Variants in GBX1 observed in about 807,000 individuals in gnomAD.
The protein encoded by GBX1 is gastrulation brain homeobox 1.
GBX1 carries 9 observed loss-of-function variants against 22.9 expected under a neutral mutation model. That is an observed-to-expected ratio of 0.39 (90% confidence interval 0.24 to 0.69). GBX1 has a LOEUF of 0.69. GBX1 is among the 30% of genes least tolerant of loss of function. GBX1 has a pLI of 0.43. For synonymous variants in GBX1, 203 were observed against 227.3 expected (o/e 0.89, Z 0.96); for missense variants, 494 against 509.2 (o/e 0.97, Z 0.29).
intron 1 of GBX1, among the ~76,000 whole-genome samples, chr7:151,159,079 G>A (rs1801165523): frequency 7.1e-6 from 1 of 140,668 alleles, no homozygotes; most frequent in Non-Finnish European, 1.5e-5. Flanking sequence ...TAAAAAAAGT[G>A]TCTGAATTTT....
At chr7:151,152,367 A>T (rs1397402826) in intron 1 of GBX1, among the ~76,000 whole-genome samples, 1 of 152,172 alleles carries the variant, frequency 6.6e-6, no homozygotes, top group East Asian at 1.9e-4. Context: ...CAGATCTCAC[A>T]TTAGCTGGAG....
At chr7:151,155,700 A>G (rs760320967) in intron 1 of GBX1, among the ~76,000 whole-genome samples, 2 of 152,164 alleles carry the variant, frequency 1.3e-5, no homozygotes, top group African/African-American at 4.8e-5. Context: ...ACCTCCTTTC[A>G]GGGCATACTA....
chr7:151,158,795 G>A (rs1022318939), intron 1 of GBX1, among the ~76,000 whole-genome samples: 7 of 152,100 alleles, frequency 4.6e-5, no homozygotes, highest in Admixed American at 2.0e-4. Flanking sequence ...CCAGGAAAGC[G>A]CCTCACATAT....
chr7:151,155,472 A>G (rs1801123739), intron 1 of GBX1, among the ~76,000 whole-genome samples: 1 of 152,176 alleles, frequency 6.6e-6, no homozygotes, highest in East Asian at 1.9e-4. Flanking sequence ...ATTCTCATGA[A>G]TTTCATGCTT....
chr7:151,164,189 CTCAT>C (rs1801224558), intron 1 of GBX1, among the ~76,000 whole-genome samples: 1 of 152,210 alleles, frequency 6.6e-6, no homozygotes, highest in South Asian at 2.1e-4. Context: ...ACCCATGTCA[CTCAT>C]TCACACAAGG....
At chr7:151,150,286 T>C (rs1801062608) in intron 1 of GBX1, among the ~76,000 whole-genome samples, 1 of 152,164 alleles carries the variant, frequency 6.6e-6, no homozygotes, top group Non-Finnish European at 1.5e-5. Flanking sequence ...CGTTTTCTAC[T>C]CAAAGGACCA....
Position 151,149,131 on chromosome 7 carries a change from C to A in GBX1, c.550G>T (p.Val184Leu), listed in dbSNP as rs757031253. ...TFPSLPAEGK[V>L]YSSDEEKLEA... ...AGCTTCTCCTCATCTGAGCTGTACA[C>A]CTTCCCCTCTGCTGTGAGGAGCAAG... The change falls in exon 2 of 2, where the codon GTG (valine) becomes TTG (leucine). Residue 184 changes from valine to leucine, a missense_variant. Coordinates refer to ENST00000297537, the MANE Select transcript of GBX1 (RefSeq NM_001098834.3). 2.1e-4 allele frequency: 339 copies of A among 1,605,842 alleles called. 1 individual carries two copies. Among genetic ancestry groups the A allele is most frequent in the South Asian group, 1.8e-3 (166 of 90,988 alleles).
chr7:151,157,710 G>A (rs1194470732), intron 1 of GBX1, among the ~76,000 whole-genome samples: 2 of 152,000 alleles, frequency 1.3e-5, no homozygotes, highest in East Asian at 1.9e-4. Flanking sequence ...CTGCTTCCCC[G>A]CTACACTACC....
At chr7:151,163,338 T>C (rs1740692599) in intron 1 of GBX1, among the ~76,000 whole-genome samples, 1 of 152,082 alleles carries the variant, frequency 6.6e-6, no homozygotes, top group Non-Finnish European at 1.5e-5. Context: ...TCCTGCTCTC[T>C]TCTCTCCATT....
In GBX1 at chr7:151,148,587, A is replaced by T. The variant is rs1477603020; in HGVS notation, c.*2T>A. 43 of 1,612,056 alleles carry T rather than the reference A, an allele frequency of 2.7e-5. No homozygotes were observed. Among genetic ancestry groups the T allele is most frequent in the Non-Finnish European group, 3.6e-5 (43 of 1,178,558 alleles). ...CGCCTTCCTAAGTTCTTGGGTGCCC[A>T]TTCAGGGCCGGGCCCCCTGCTCCAT... On this transcript the variant is annotated 3_prime_UTR_variant, in exon 2 of 2. Transcript: ENST00000297537. The surrounding 1 kb of genome is among the most constrained non-coding windows in gnomAD (Gnocchi z 5.1).
chr7:151,156,385 C>CAA (rs56947735), intron 1 of GBX1, among the ~76,000 whole-genome samples: 264 of 15,900 alleles, frequency 0.017, 45 homozygotes, highest in Non-Finnish European at 0.025. Context: ...GACCCTGTCT[C>CAA]AAAAAAAAAA....
chr7:151,167,504 C>CTT lies in GBX1; in HGVS notation c.44_45insAA (p.Gly16ArgfsTer16). On this transcript the variant is annotated frameshift_variant, in exon 1 of 2. Transcript: ENST00000297537. LOFTEE classifies it high-confidence loss of function. The surrounding 1 kb of genome is among the most constrained non-coding windows in gnomAD (Gnocchi z 5.9). ...CAGTGCCCGGGCCCCCGCCGCCGCC[C>CTT]CCGCCGTTGCCCCCAGGGGCGCTAC... is the stretch of plus-strand genomic sequence containing the variant. The CTT allele has an allele frequency of 1.3e-6, 2 of 1,482,420 alleles. No individual in the cohort carries two copies. The highest frequency in any genetic ancestry group is 1.8e-6 in the Non-Finnish European group (2 of 1,126,042). The allele number at this position is 1,482,420 out of a possible 1,614,324, so 91.8% of individuals were successfully genotyped here. A position where few individuals can be genotyped will look rare whatever the true frequency, so the allele number is the denominator to read the frequency against.
chr7:151,166,172 T>C (rs529711836), intron 1 of GBX1, among the ~76,000 whole-genome samples: 2 of 152,276 alleles, frequency 1.3e-5, no homozygotes, highest in Admixed American at 6.5e-5. Context: ...AGGGCTCTAA[T>C]TGAATGGACT....
Position 151,167,576 on chromosome 7 carries a change from GC to G in GBX1, c.-29del. 2 of 1,396,466 alleles carry G rather than the reference GC, an allele frequency of 1.4e-6. No individual in the cohort carries two copies. Among genetic ancestry groups the G allele is most frequent in the Non-Finnish European group, 1.8e-6 (2 of 1,086,598 alleles). The allele number at this position is 1,396,466 out of a possible 1,614,324, so 86.5% of individuals were successfully genotyped here. A position where few individuals can be genotyped will look rare whatever the true frequency, so the allele number is the denominator to read the frequency against. ...TGTTCGGAGCTGCGGCCGCCCCGGG[GC>G]GCTCCTCTCTGGGCGCCTCCGTGCG... is the stretch of plus-strand genomic sequence containing the variant. On this transcript the variant is annotated 5_prime_UTR_variant, in exon 1 of 2. Transcript: ENST00000297537. The surrounding 1 kb of genome is among the most constrained non-coding windows in gnomAD (Gnocchi z 5.9).
rs776413830 is a variant in GBX1, at chr7:151,167,596, C to T, written c.-48G>A. On this transcript the variant is annotated 5_prime_UTR_variant, in exon 1 of 2. Coordinates refer to ENST00000297537, the MANE Select transcript of GBX1 (RefSeq NM_001098834.3). This position sits in a 1 kb window ranked among gnomAD's most constrained non-coding sequence, Gnocchi z 5.9. ...CCGGGGCGCTCCTCTCTGGGCGCCT[C>T]CGTGCGCCCCGCGGCTCGGGCGCCC... is the stretch of plus-strand genomic sequence containing the variant. 6 of 1,274,922 alleles carry T rather than the reference C, an allele frequency of 4.7e-6. No homozygotes were observed. In the South Asian group the frequency reaches 8.3e-5, roughly 18 times the overall value. 79.0% of individuals were successfully genotyped at this position (1,274,922 alleles called of 1,614,324 possible).
chr7:151,167,161 C>A lies in GBX1; in HGVS notation c.388G>T (p.Ala130Ser), dbSNP rs758520921. The change falls in exon 1 of 2, where the codon GCC (alanine) becomes TCC (serine). Residue 130 changes from alanine (A) to serine (S), a missense_variant. By Grantham distance (99) the Ala-to-Ser change is moderately conservative. Transcript: ENST00000297537. This position sits in a 1 kb window ranked among gnomAD's most constrained non-coding sequence, Gnocchi z 5.9. ...TCGGGGTTGTTTCGGGCGGCAGTGG[C>A]GGCGGCGGCGGCAGCGGCGGCGGCG... is the stretch of plus-strand genomic sequence containing the variant. ...ELAAAAAAAAATAARNNPEPG... is the reference protein window; with the variant it reads ...ELAAAAAAAASTAARNNPEPG... 2.6e-6 allele frequency: 4 copies of A among 1,546,692 alleles called. No homozygotes were observed. In the South Asian group the frequency reaches 4.6e-5, roughly 18 times the overall value.
chr7:151,164,358 C>T (rs1801225791), intron 1 of GBX1, among the ~76,000 whole-genome samples: 1 of 152,172 alleles, frequency 6.6e-6, no homozygotes, highest in Non-Finnish European at 1.5e-5. Flanking sequence ...TGTTTTCCAA[C>T]CAGTTTTAGC....
Position 151,148,629 on chromosome 7 carries a change from C to T in GBX1, c.1052G>A (p.Arg351Gln), listed in dbSNP as rs776601538. The T allele has an allele frequency of 2.4e-5, 38 of 1,613,840 alleles. No individual in the cohort carries two copies. Among genetic ancestry groups the T allele is most frequent in the African/African-American group, 4.0e-5 (3 of 74,864 alleles). ...CTGCTCCATTTGTTGGTGCTGGCTC[C>T]GCACAGCAAACCTGTTGACATGCAC... is the stretch of plus-strand genomic sequence containing the variant. ...IPVHVNRFAV[R>Q]SQHQQMEQGA... Residue 351 changes from arginine (R) to glutamine (Q), a missense_variant, in exon 2 of 2, where the codon CGG becomes CAG. By Grantham distance (43) the Arg-to-Gln change is conservative. Transcript: ENST00000297537. The surrounding 1 kb of genome is among the most constrained non-coding windows in gnomAD (Gnocchi z 5.1).
intron 1 of GBX1, among the ~76,000 whole-genome samples, chr7:151,164,834 T>C (rs1801232037): frequency 6.8e-6 from 1 of 147,174 alleles, no homozygotes; most frequent in African/African-American, 2.5e-5. Flanking sequence ...AGCTCTGTCA[T>C]TTTATATAAA....
Sources: gnomAD v4.1 joint callset for allele counts (sites outside exome capture counted in the v4.1 genomes callset) on GRCh38, gnomAD v4.1.1 for gene constraint, Gnocchi (gnomAD v3.1) non-coding constraint, MANE v1.5 for transcripts, NCBI Gene and HGNC (gene_info 2026-07-23, HGNC 2026-07-21) for gene names.